The following FHOD3 variants were observed in gnomAD, a reference collection of about 807,000 sequenced individuals.
FHOD3 encodes the protein formin homology 2 domain containing 3.
FHOD3 carries 90 observed loss-of-function variants against 173.0 expected under a neutral mutation model. The ratio of observed to expected loss-of-function variants is 0.52; its 90% CI spans 0.44 to 0.62. FHOD3 has a LOEUF of 0.62. Among genes scored for constraint, FHOD3 ranks in the 20% least tolerant of loss-of-function variants. FHOD3 has a pLI of 0.00. For synonymous variants in FHOD3, 828 were observed against 823.0 expected, an observed-to-expected ratio of 1.01 and a Z score of -0.10; for missense variants, 1,945 against 2,034.7, an observed-to-expected ratio of 0.96 and a Z score of 0.85.
chr18:36,539,406 A>T (rs1277357070), intron 5 of FHOD3, among the ~76,000 whole-genome samples: 3 of 152,234 alleles, frequency 2.0e-5, no homozygotes, highest in African/African-American at 7.2e-5. Flanking sequence ...GAAGGTGCAG[A>T]TGCCAAAACC....
chr18:36,647,629 C>T, intron 10 of FHOD3, among the ~76,000 whole-genome samples: 1 of 152,132 alleles, frequency 6.6e-6, no homozygotes, highest in Non-Finnish European at 1.5e-5. Context: ...ATATGTTCAC[C>T]AGAAGACATG....
intron 5 of FHOD3, among the ~76,000 whole-genome samples, chr18:36,524,400 C>G (rs913592674): frequency 6.6e-6 from 1 of 151,896 alleles, no homozygotes; most frequent in Non-Finnish European, 1.5e-5. Flanking sequence ...TTCATATGTA[C>G]ATGGTGAGGC....
chr18:36,670,903 G>C (rs1234469280), intron 14 of FHOD3, among the ~76,000 whole-genome samples: 1 of 152,186 alleles, frequency 6.6e-6, no homozygotes, highest in Non-Finnish European at 1.5e-5. Context: ...GCTATGTTTA[G>C]TCCAATATAT....
intron 3 of FHOD3, among the ~76,000 whole-genome samples, chr18:36,453,235 G>T (rs1250349132): frequency 1.1e-4 from 16 of 152,202 alleles, no homozygotes; most frequent in Admixed American, 1.0e-3. Context: ...TTAGGGTAAA[G>T]GGATTGGCTT....
chr18:36,746,871 G>T (rs2042178310), intron 23 of FHOD3, 74 bp from the exon 24 acceptor site: 1 of 1,153,660 alleles, frequency 8.7e-7, no homozygotes, highest in Non-Finnish European at 1.2e-6. Flanking sequence ...TCTCCCCAGA[G>T]GCAGTTTTGT....
rs199567532 is a variant in FHOD3, at chr18:36,709,100, G to T, written c.2242G>T (p.Ala748Ser). The T allele has an allele frequency of 1.9e-6, 3 of 1,612,000 alleles. No homozygotes were observed. The highest frequency in any genetic ancestry group is 1.7e-5 in the Admixed American group (1 of 59,982). The change falls in exon 18 of 29, where the codon GCC becomes TCC. Residue 748 changes from alanine to serine, a missense_variant. Physicochemically the swap from Ala to Ser is moderately conservative, Grantham distance 99 (BLOSUM62 1). Coordinates refer to ENST00000590592, the MANE Select transcript of FHOD3 (RefSeq NM_001281740.3). ...TCCATTGTTGTCTCCACCAGCAAGT[G>T]CCGGGGATCCTGAACCCGAATCAGA... is the stretch of plus-strand genomic sequence containing the variant. ...PGTPHHPQAS[A>S]GDPEPESEAE...
chr18:36,460,907 G>A (rs545866182), intron 3 of FHOD3, among the ~76,000 whole-genome samples: 4 of 152,260 alleles, frequency 2.6e-5, no homozygotes, highest in Admixed American at 1.3e-4. Flanking sequence ...CTGAAAGTGA[G>A]GTCTCCCTGG....
intron 3 of FHOD3, among the ~76,000 whole-genome samples, chr18:36,403,848 T>G (rs1233623962): frequency 3.9e-5 from 6 of 152,154 alleles, no homozygotes; most frequent in Admixed American, 3.9e-4. Context: ...AGAGTGGGCA[T>G]TGGTGTCCTT....
chr18:36,330,067 G>T (rs922783387), intron 1 of FHOD3, among the ~76,000 whole-genome samples: 4 of 152,116 alleles, frequency 2.6e-5, no homozygotes, highest in Admixed American at 1.3e-4. Context: ...GTTTAGGAGG[G>T]CTTAGCATAC....
intron 25 of FHOD3, among the ~76,000 whole-genome samples, chr18:36,756,114 A>C (rs1213062579): frequency 6.6e-6 from 1 of 152,164 alleles, no homozygotes; most frequent in African/African-American, 2.4e-5. Context: ...CTTTTTCTTA[A>C]TGTGCCTTTA....
At chr18:36,428,204 G>T (rs2050352282) in intron 3 of FHOD3, among the ~76,000 whole-genome samples, 1 of 151,942 alleles carries the variant, frequency 6.6e-6, no homozygotes. Context: ...TTATTTATTG[G>T]ATTACTCTTG....
chr18:36,652,295 C>T (rs181201798), intron 11 of FHOD3, among the ~76,000 whole-genome samples: 366 of 152,354 alleles, frequency 2.4e-3, no homozygotes, highest in Non-Finnish European at 4.7e-3. Context: ...AAGTCTCTTA[C>T]ACCTAGAGGC....
chr18:36,480,617 G>T (rs754717767), intron 3 of FHOD3, among the ~76,000 whole-genome samples: 9 of 152,198 alleles, frequency 5.9e-5, no homozygotes, highest in Non-Finnish European at 1.2e-4. Context: ...CTCTAGAAAC[G>T]TAGGAGAGTA....
intron 1 of FHOD3, among the ~76,000 whole-genome samples, chr18:36,337,438 A>G (rs950439057): frequency 6.6e-6 from 1 of 152,182 alleles, no homozygotes; most frequent in African/African-American, 2.4e-5. Flanking sequence ...CACAAACTGA[A>G]GATGACAATA....
At chr18:36,678,261 C>T (rs1047196162) in intron 14 of FHOD3, among the ~76,000 whole-genome samples, 2 of 151,868 alleles carry the variant, frequency 1.3e-5, no homozygotes, top group Non-Finnish European at 2.9e-5. Flanking sequence ...TGATACTGGC[C>T]AGGTATAGTG....
chr18:36,451,675 G>C (rs144881626), intron 3 of FHOD3, among the ~76,000 whole-genome samples: 1 of 152,310 alleles, frequency 6.6e-6, no homozygotes, highest in African/African-American at 2.4e-5. Context: ...AACCTGGCAG[G>C]AACAGAGCCC....
intron 28 of FHOD3, among the ~76,000 whole-genome samples, chr18:36,775,313 G>A (rs1292115812): frequency 6.6e-6 from 1 of 152,210 alleles, no homozygotes; most frequent in Non-Finnish European, 1.5e-5. Flanking sequence ...GCGCACAGAT[G>A]GATTTCTGTC....
At chr18:36,502,131 A>G (rs2055063431) in intron 4 of FHOD3, 132 bp downstream of exon 4, 2 of 506,160 alleles carry the variant, frequency 4.0e-6, no homozygotes, top group Non-Finnish European at 7.0e-6. Context: ...TTAGATTACA[A>G]TATACATTAG....
intron 19 of FHOD3, 78 bp from the exon 20 acceptor site, chr18:36,730,568 T>C (rs982953592): frequency 2.8e-6 from 4 of 1,416,744 alleles, no homozygotes; most frequent in Non-Finnish European, 2.9e-6. Context: ...AAATAAGTAG[T>C]GAGTGCTTTT....
Sources: gnomAD v4.1 joint callset for allele counts (sites outside exome capture counted in the v4.1 genomes callset) on GRCh38, gnomAD v4.1.1 for gene constraint, MANE v1.5 for transcripts, NCBI Gene and HGNC (gene_info 2026-07-23, HGNC 2026-07-21) for gene names.